GRAMD2B: variants seen among roughly 807,000 people sequenced by gnomAD.
The protein encoded by GRAMD2B is GRAM domain-containing protein 2B.
In GRAMD2B, 41 loss-of-function variants were observed where a neutral mutation model predicts 59.2. That is an observed-to-expected ratio of 0.69 (90% confidence interval 0.54 to 0.90). The LOEUF is 0.90. Among genes scored for constraint, GRAMD2B ranks in the 40% least tolerant of loss-of-function variants. The probability of loss-of-function intolerance (pLI) is 0.00; values close to 1 mark genes in which losing one functional copy is unlikely to be tolerated. For synonymous variants in GRAMD2B, 161 were observed against 182.7 expected (o/e 0.88, Z 0.96); for missense variants, 424 against 500.5 (o/e 0.85, Z 1.46).
chr5:126,488,951 A>C, intron 13 of GRAMD2B, 59 bp downstream of exon 13: 2 of 1,219,522 alleles, frequency 1.6e-6, no homozygotes, highest in African/African-American at 3.0e-5. Flanking sequence ...TGGTTGCCCT[A>C]GGTCAGGTCA....
At chr5:126,481,916 C>T (rs1771922602) in intron 8 of GRAMD2B, among the ~76,000 whole-genome samples, 1 of 149,712 alleles carries the variant, frequency 6.7e-6, no homozygotes, top group Non-Finnish European at 1.5e-5. Flanking sequence ...TGCAGTGAGC[C>T]GAGATCACGC....
intron 6 of GRAMD2B, among the ~76,000 whole-genome samples, chr5:126,478,342 G>GT (rs759574842): frequency 1.9e-4 from 29 of 152,256 alleles, no homozygotes; most frequent in Non-Finnish European, 3.1e-4. Flanking sequence ...GGAAGCTGAG[G>GT]TAGGAGAATC....
chr5:126,492,833 A>G, intron 13 of GRAMD2B, 82 bp from the exon 14 acceptor site: 2 of 873,144 alleles, frequency 2.3e-6, no homozygotes, highest in Non-Finnish European at 1.8e-6. Flanking sequence ...ATAATATAGA[A>G]TGCTATATAG....
chr5:126,422,416 C>A (rs540803212), upstream of GRAMD2B, among the ~76,000 whole-genome samples: 1 of 152,312 alleles, frequency 6.6e-6, no homozygotes, highest in East Asian at 1.9e-4. Flanking sequence ...CCATGCTAGT[C>A]TCGAACTCCT....
rs375679518 is a variant in GRAMD2B, at chr5:126,408,845, C to A, written c.125+37278C>A. ...CTAATGCTATCCCTCCCCCCTCCCC[C>A]CACCCGACAACAGTCCCCAGAGTGT... On this transcript the variant is annotated intron_variant, in intron 1 of 8. Transcript: ENST00000506445. Among the ~76,000 whole-genome samples, 62 of 117,040 alleles carry A rather than the reference C, an allele frequency of 5.3e-4. 1 individual carries two copies. Among genetic ancestry groups the A allele is most frequent in the African/African-American group, 2.0e-3 (61 of 30,882 alleles). The allele number at this position is 117,040 out of a possible 152,430, so 76.8% of individuals were successfully genotyped here.
chr5:126,441,721 T>G (rs1763327503), intron 1 of GRAMD2B, among the ~76,000 whole-genome samples: 2 of 152,158 alleles, frequency 1.3e-5, no homozygotes. Flanking sequence ...ACAGATAATA[T>G]AGTTTTAATT....
Position 126,485,723 on chromosome 5 carries a change from G to A in GRAMD2B, c.1008G>A (p.Lys336=), listed in dbSNP as rs376574605. The change falls in exon 11 of 14, where the codon AAG becomes AAA. Residue 336 remains lysine, a synonymous_variant. Coordinates refer to ENST00000285689, the MANE Select transcript of GRAMD2B (RefSeq NM_023927.4). ...CTGTTGGAATCTTACATAAAGTCAA[G>A]TCTCAGAAATGTCCGATGCTTCACC... The part of the protein sequence containing the change: ...SETVGILHKV[K]SQKCPMLHHI... The A allele has an allele frequency of 2.1e-5, 34 of 1,612,824 alleles. No homozygotes were observed. The East Asian group carries it at 2.7e-4, about 13-fold the overall frequency.
chr5:126,383,473 T>C (rs1450525696), intron 1 of GRAMD2B, among the ~76,000 whole-genome samples: 1 of 152,216 alleles, frequency 6.6e-6, no homozygotes, highest in Non-Finnish European at 1.5e-5. Context: ...ACAATAATCA[T>C]CTCTTCTATT....
rs115693995 is a variant in GRAMD2B, at chr5:126,441,119, G to A, written c.83+17430G>A. 9.9e-3 allele frequency among the ~76,000 whole-genome samples: 1,507 copies of A among 151,706 alleles called. 24 individuals carry two copies. Among genetic ancestry groups the A allele is most frequent in the African/African-American group, 0.033 (1,382 of 41,320 alleles). Reference sequence around the variant, plus strand: ...AATGTTTGAATTTTCTAGAATGAGCGTGTATTATGGCAGAGGAAAAAATAT... The same window carrying A: ...AATGTTTGAATTTTCTAGAATGAGCATGTATTATGGCAGAGGAAAAAATAT... On this transcript the variant is annotated intron_variant, in intron 1 of 13. Transcript: ENST00000285689.
chr5:126,472,089 C>T, intron 3 of GRAMD2B, 149 bp from the exon 4 acceptor site: 2 of 612,400 alleles, frequency 3.3e-6, no homozygotes, highest in Non-Finnish European at 5.9e-6. Context: ...CTGTGTTTTA[C>T]TGAAGGCTTG....
At chr5:126,380,842 G>A (rs1755599397) in intron 1 of GRAMD2B, among the ~76,000 whole-genome samples, 1 of 152,072 alleles carries the variant, frequency 6.6e-6, no homozygotes, top group South Asian at 2.1e-4. Flanking sequence ...CATATCACGG[G>A]CAAACAGTGA....
intron 1 of GRAMD2B, among the ~76,000 whole-genome samples, chr5:126,446,886 A>G (rs1488107838): frequency 6.6e-6 from 1 of 152,144 alleles, no homozygotes; most frequent in Admixed American, 6.5e-5. Flanking sequence ...GCATAAAATG[A>G]AGGAAAGCAA....
rs1238914140 is a variant in GRAMD2B at position 126,485,732 on chromosome 5, A to G, written c.1017A>G (p.Lys339=). 1.2e-6 allele frequency: 2 copies of G among 1,612,548 alleles called. No individual in the cohort carries two copies. Among genetic ancestry groups the G allele is most frequent in the Middle Eastern group, 1.7e-4 (1 of 6,024 alleles). Residue 339 remains lysine, a synonymous_variant, in exon 11 of 14, where the codon AAA becomes AAG. Coordinates refer to ENST00000285689, the MANE Select transcript of GRAMD2B (RefSeq NM_023927.4). ...VGILHKVKSQ[K]CPMLHHILIF... ...TCTTACATAAAGTCAAGTCTCAGAA[A>G]TGTCCGATGCTTCACCATATTCTTA...
At chr5:126,381,608 C>G (rs552183108) in intron 1 of GRAMD2B, among the ~76,000 whole-genome samples, 1 of 152,200 alleles carries the variant, frequency 6.6e-6, no homozygotes, top group Non-Finnish European at 1.5e-5. Context: ...CTCTTAAAGA[C>G]AGCAGATACT....
intron 3 of GRAMD2B, 56 bp downstream of exon 3, chr5:126,469,844 A>T: frequency 7.9e-7 from 1 of 1,263,820 alleles, no homozygotes; most frequent in Non-Finnish European, 1.1e-6. Flanking sequence ...TACTGAAGCC[A>T]GTGACAAGAA....
intron 1 of GRAMD2B, among the ~76,000 whole-genome samples, chr5:126,371,727 G>A (rs1014269003): frequency 1.3e-5 from 2 of 152,240 alleles, no homozygotes; most frequent in East Asian, 1.9e-4. Flanking sequence ...GGATTCGAAG[G>A]GGGTATGTAA....
At chr5:126,458,404 C>T (rs1323583684) in intron 1 of GRAMD2B, among the ~76,000 whole-genome samples, 1 of 151,270 alleles carries the variant, frequency 6.6e-6, no homozygotes, top group Non-Finnish European at 1.5e-5. Flanking sequence ...TACTGCACTG[C>T]ACTCCAGCCT....
At chr5:126,492,106 C>A (rs893716163) in intron 13 of GRAMD2B, among the ~76,000 whole-genome samples, 1 of 152,206 alleles carries the variant, frequency 6.6e-6, no homozygotes, top group Non-Finnish European at 1.5e-5. Flanking sequence ...ACATCGGACC[C>A]GTCTTAAGAT....
intron 7 of GRAMD2B, 23 bp from the exon 8 acceptor site, chr5:126,480,604 T>C (rs751294071): frequency 1.9e-6 from 3 of 1,612,438 alleles, no homozygotes; most frequent in African/African-American, 2.7e-5. Context: ...ATCTGGCTTT[T>C]CGTTTTGTTC....
Sources: gnomAD v4.1 joint callset for allele counts (sites outside exome capture counted in the v4.1 genomes callset) on GRCh38, gnomAD v4.1.1 for gene constraint, MANE v1.5 for transcripts, NCBI Gene and HGNC (gene_info 2026-07-23, HGNC 2026-07-21) for gene names.